The following DRD3 variants were observed in gnomAD, a reference collection of about 807,000 sequenced individuals.
The protein encoded by DRD3 is dopamine receptor D3.
Under a neutral mutation model 36.3 loss-of-function variants are expected in DRD3, and 19 were observed. The ratio of observed to expected loss-of-function variants is 0.52; its 90% CI spans 0.36 to 0.77. The LOEUF (loss-of-function observed/expected upper bound fraction) is 0.77. Among genes scored for constraint, DRD3 ranks in the 30% least tolerant of loss-of-function variants. DRD3 has a pLI of 0.00. For missense variants in DRD3, 465 were observed against 505.3 expected (o/e 0.92, Z 0.77); for synonymous variants, 195 against 203.7 (o/e 0.96, Z 0.36).
rs2077677397 is a variant in DRD3, at chr3:114,156,769, TTCTTTCTTTC to T, written c.383+2976_383+2985del. Among the ~76,000 whole-genome samples, 4 of 122,160 alleles carry T rather than the reference TTCTTTCTTTC, an allele frequency of 3.3e-5. No individual in the cohort carries two copies. In the South Asian group the frequency reaches 7.8e-4, roughly 24 times the overall value. 80.1% of individuals were successfully genotyped at this position (122,160 alleles called of 152,430 possible). A position where few individuals can be genotyped will look rare whatever the true frequency, so the allele number is the denominator to read the frequency against. ...TTTCTTTCTTTCTTTCTTTCTTTCTTTCTTTCTTTCTTTCTTTCTTTCTTTCTTTCTCTTT... is the reference window on the plus strand; with the variant it reads ...TTTCTTTCTTTCTTTCTTTCTTTCTTTTTCTTTCTTTCTTTCTTTCTCTTT... On this transcript the variant is annotated intron_variant, in intron 3 of 6. Coordinates refer to ENST00000383673, the MANE Select transcript of DRD3 (RefSeq NM_000796.6).
chr3:114,131,342 T>C lies in DRD3; in HGVS notation c.782A>G (p.Asp261Gly). Reference protein sequence around the residue: ...ELKRYYSICQDTALGGPGFQE... With the variant: ...ELKRYYSICQGTALGGPGFQE... ...GAAGCCTGGTCCACCCAAGGCAGTG[T>C]CCTGGCAGATGCTGTAGTAACGCTT... Residue 261 changes from aspartate (D) to glycine (G), a missense_variant, in exon 6 of 7, where the codon GAC becomes GGC. Asp to Gly is a moderately conservative substitution (Grantham distance 94). Coordinates refer to ENST00000383673, the MANE Select transcript of DRD3 (RefSeq NM_000796.6). 1 of 1,614,232 alleles carries C rather than the reference T, an allele frequency of 6.2e-7. No homozygotes were observed. The highest frequency in any genetic ancestry group is 8.5e-7 in the Non-Finnish European group (1 of 1,180,044).
At chr3:114,161,363 A>T (rs1372330161) in intron 2 of DRD3, among the ~76,000 whole-genome samples, 1 of 152,170 alleles carries the variant, frequency 6.6e-6, no homozygotes, top group East Asian at 1.9e-4. Context: ...TCATCCAAGG[A>T]TCTTCTTATA....
At chr3:114,196,841 T>C (rs753179122) in intron 1 of DRD3, among the ~76,000 whole-genome samples, 11 of 152,190 alleles carry the variant, frequency 7.2e-5, no homozygotes, top group Non-Finnish European at 1.5e-4. Context: ...TTTCTTATTA[T>C]TGAGTTTTGA....
chr3:114,161,920 T>G (rs2077737220), intron 2 of DRD3, among the ~76,000 whole-genome samples: 1 of 152,238 alleles, frequency 6.6e-6, no homozygotes, highest in African/African-American at 2.4e-5. Flanking sequence ...AAACACTTTT[T>G]GGCATAATTG....
At chr3:114,131,041 T>C in intron 6 of DRD3, 77 bp downstream of exon 6, 1 of 1,502,028 alleles carries the variant, frequency 6.7e-7, no homozygotes, top group South Asian at 1.3e-5. Context: ...AAATTTCCGA[T>C]AGCATCTTCT....
In DRD3 at chr3:114,139,507, G is replaced by A. The variant is rs748608444; in HGVS notation, c.716C>T (p.Pro239Leu). ...SQCNSVRPGF[P>L]QQTLSPDPAH... ...CCCCTCCAGGGTACTTACTTGCTGG[G>A]GGAAGCCAGGCCTGACACTGTTGCA... Residue 239 changes from proline to leucine, a missense_variant, in exon 5 of 7, where the codon CCC becomes CTC. By Grantham distance (98) the Pro-to-Leu change is moderately conservative. Transcript: ENST00000383673. 2 of 1,613,238 alleles carry A rather than the reference G, an allele frequency of 1.2e-6. No homozygotes were observed. Among genetic ancestry groups the A allele is most frequent in the South Asian group, 2.2e-5 (2 of 90,930 alleles).
At chr3:114,189,207 C>T (rs1205098950) in intron 1 of DRD3, among the ~76,000 whole-genome samples, 1 of 152,010 alleles carries the variant, frequency 6.6e-6, no homozygotes, top group Non-Finnish European at 1.5e-5. Flanking sequence ...ATCGTTTGAT[C>T]CTTTTACTAC....
intron 5 of DRD3, among the ~76,000 whole-genome samples, chr3:114,133,084 G>A (rs962775751): frequency 6.6e-6 from 1 of 151,390 alleles, no homozygotes; most frequent in South Asian, 2.1e-4. Flanking sequence ...TCTGCCTCCC[G>A]GGTTCAAGAG....
At chr3:114,188,459 G>A (rs918952725) in intron 1 of DRD3, among the ~76,000 whole-genome samples, 5 of 152,044 alleles carry the variant, frequency 3.3e-5, no homozygotes, top group Non-Finnish European at 7.4e-5. Flanking sequence ...TAATCCGCCC[G>A]CCTGGGCCTC....
intron 1 of DRD3, among the ~76,000 whole-genome samples, chr3:114,177,212 GTTA>G (rs1232500951): frequency 6.6e-6 from 1 of 152,130 alleles, no homozygotes; most frequent in Non-Finnish European, 1.5e-5. Flanking sequence ...GAGTTACATT[GTTA>G]TTATTATTAG....
chr3:114,198,590 A>G (rs1482937370), intron 1 of DRD3, among the ~76,000 whole-genome samples: 2 of 151,658 alleles, frequency 1.3e-5, no homozygotes, highest in Admixed American at 6.6e-5. Flanking sequence ...TACATAGATT[A>G]CCATGTTATC....
At chr3:114,188,041 C>T (rs1477826760) in intron 1 of DRD3, among the ~76,000 whole-genome samples, 3 of 152,022 alleles carry the variant, frequency 2.0e-5, no homozygotes, top group African/African-American at 7.3e-5. Context: ...TATAGGTATC[C>T]AAGTGCACTT....
intron 3 of DRD3, among the ~76,000 whole-genome samples, chr3:114,158,192 G>T (rs1020778603): frequency 1.3e-5 from 2 of 151,466 alleles, no homozygotes; most frequent in African/African-American, 4.9e-5. Flanking sequence ...TGGGAGGGTT[G>T]CTTGAGTCCA....
chr3:114,170,032 T>C (rs1016744409), intron 2 of DRD3, among the ~76,000 whole-genome samples: 2 of 152,198 alleles, frequency 1.3e-5, no homozygotes, highest in African/African-American at 4.8e-5. Context: ...TTGGAACACA[T>C]AGAAATGGAC....
chr3:114,186,074 G>A (rs1334168695), intron 1 of DRD3, among the ~76,000 whole-genome samples: 3 of 152,090 alleles, frequency 2.0e-5, no homozygotes, highest in African/African-American at 7.2e-5. Context: ...CAAATTTAAG[G>A]TTTCTTTTCT....
intron 3 of DRD3, among the ~76,000 whole-genome samples, chr3:114,153,541 T>A (rs920126967): frequency 6.6e-5 from 10 of 152,194 alleles, no homozygotes; most frequent in Non-Finnish European, 1.0e-4. Context: ...CTAACAACCC[T>A]TTGAGGTAGT....
intron 6 of DRD3, among the ~76,000 whole-genome samples, chr3:114,130,119 C>T (rs1014426863): frequency 3.9e-5 from 6 of 151,966 alleles, no homozygotes; most frequent in African/African-American, 1.4e-4. Flanking sequence ...ATTAGCTGGT[C>T]ATGGGGGCAT....
chr3:114,190,111 ATACTT>A (rs1199062976), intron 1 of DRD3, among the ~76,000 whole-genome samples: 2 of 152,130 alleles, frequency 1.3e-5, no homozygotes, highest in East Asian at 1.9e-4. Flanking sequence ...GCTCTTTTAC[ATACTT>A]TAGATAGAGC....
intron 3 of DRD3, among the ~76,000 whole-genome samples, chr3:114,148,599 C>T (rs73232572): frequency 6.6e-6 from 1 of 152,294 alleles, no homozygotes; most frequent in Non-Finnish European, 1.5e-5. Context: ...ATCTCCCCAA[C>T]TCCCCAAACC....
Sources: allele counts gnomAD v4.1 joint callset (sites outside exome capture counted in the v4.1 genomes callset), GRCh38; gene constraint gnomAD v4.1.1; transcripts MANE v1.5; gene names NCBI Gene and HGNC (gene_info 2026-07-23, HGNC 2026-07-21).